The following ZFHX3 variants were observed in gnomAD, a reference collection of about 807,000 sequenced individuals.
The protein encoded by ZFHX3 is zinc finger homeobox protein 3.
In ZFHX3, 42 loss-of-function variants were observed where a neutral mutation model predicts 279.1. That is an observed-to-expected ratio of 0.15 (90% confidence interval 0.12 to 0.19). The LOEUF is 0.19. ZFHX3 is among the 10% of genes least tolerant of loss of function. ZFHX3 has a pLI of 1.00. For synonymous variants in ZFHX3, 2,293 were observed against 1,957.8 expected, an observed-to-expected ratio of 1.17 and a Z score of -4.52; for missense variants, 4,981 against 4,754.0, an observed-to-expected ratio of 1.05 and a Z score of -1.40.
chr16:72,953,607 T>G (rs1961103669), intron 2 of ZFHX3, among the ~76,000 whole-genome samples: 2 of 152,154 alleles, frequency 1.3e-5, no homozygotes, highest in Non-Finnish European at 2.9e-5. Context: ...AAGCTCTTTT[T>G]TTTTCAAGAG....
intron 3 of ZFHX3, among the ~76,000 whole-genome samples, chr16:73,343,529 A>G (rs1307891309): frequency 6.6e-6 from 1 of 152,176 alleles, no homozygotes; most frequent in Non-Finnish European, 1.5e-5. Flanking sequence ...GTTTGAGACC[A>G]GTCTGGGCAA....
chr16:73,207,848 A>T (rs2011866182), intron 5 of ZFHX3, among the ~76,000 whole-genome samples: 1 of 152,190 alleles, frequency 6.6e-6, no homozygotes, highest in South Asian at 2.1e-4. Context: ...AGCCACTCTA[A>T]CATGGCAGGT....
chr16:73,853,991 A>T (rs1334844692), intron 1 of ZFHX3, among the ~76,000 whole-genome samples: 1 of 152,212 alleles, frequency 6.6e-6, no homozygotes, highest in Non-Finnish European at 1.5e-5. Context: ...TCTGTCTTTG[A>T]TACTGAAGGT....
At chr16:73,546,564 A>G (rs1282103850) in intron 2 of ZFHX3, among the ~76,000 whole-genome samples, 1 of 152,054 alleles carries the variant, frequency 6.6e-6, no homozygotes, top group Non-Finnish European at 1.5e-5. Flanking sequence ...TGAAAGCGGC[A>G]TGCGTGTCTG....
At chr16:73,554,329 T>C (rs1327907364) in intron 2 of ZFHX3, 3 of 152,228 alleles carry the variant, frequency 2.0e-5, no homozygotes, top group Admixed American at 2.0e-4. Flanking sequence ...TTTGCAGCCA[T>C]TTCTTTACTC....
intron 5 of ZFHX3, among the ~76,000 whole-genome samples, chr16:73,170,702 G>C (rs181294424): frequency 1.3e-5 from 2 of 152,314 alleles, no homozygotes; most frequent in Admixed American, 6.5e-5. Context: ...AGAGAGTCTG[G>C]GAGGTGGGAA....
At chr16:73,124,188 G>C (rs529295136) in intron 7 of ZFHX3, among the ~76,000 whole-genome samples, 1 of 152,246 alleles carries the variant, frequency 6.6e-6, no homozygotes, top group South Asian at 2.1e-4. Flanking sequence ...CATAAACTGG[G>C]TAGCTTTTAA....
chr16:73,322,516 T>C (rs2015595820), intron 3 of ZFHX3, among the ~76,000 whole-genome samples: 1 of 152,288 alleles, frequency 6.6e-6, no homozygotes, highest in South Asian at 2.1e-4. Flanking sequence ...AATGCAGGAA[T>C]AGCAAACATA....
At chr16:72,816,301 A>C (rs964763905) in intron 5 of ZFHX3, among the ~76,000 whole-genome samples, 4 of 152,232 alleles carry the variant, frequency 2.6e-5, no homozygotes, top group Admixed American at 6.5e-5. Flanking sequence ...GCAGTTATAA[A>C]ATATGAAAAT....
chr16:73,013,065 G>A (rs1262833603), intron 1 of ZFHX3, among the ~76,000 whole-genome samples: 1 of 152,124 alleles, frequency 6.6e-6, no homozygotes, highest in East Asian at 1.9e-4. Context: ...GGGCGCTCAG[G>A]AGGTACAGAC....
intron 3 of ZFHX3, among the ~76,000 whole-genome samples, chr16:73,391,682 C>T (rs978762406): frequency 1.3e-5 from 2 of 152,094 alleles, no homozygotes; most frequent in African/African-American, 4.8e-5. Flanking sequence ...AAGGAACCTA[C>T]AGGATGATGG....
At chr16:72,845,075 C>T (rs1425797233) in intron 4 of ZFHX3, among the ~76,000 whole-genome samples, 22 of 152,140 alleles carry the variant, frequency 1.4e-4, no homozygotes, top group Admixed American at 1.2e-3. Context: ...CCTGCTCCTC[C>T]GTGTGGCGGA....
chr16:73,464,801 T>G (rs1379129147), intron 2 of ZFHX3, among the ~76,000 whole-genome samples: 1 of 152,238 alleles, frequency 6.6e-6, no homozygotes, highest in Non-Finnish European at 1.5e-5. Flanking sequence ...AGACCCGCCT[T>G]TGGGTCCTTC....
chr16:73,138,331 T>C (rs1038810031), intron 6 of ZFHX3, among the ~76,000 whole-genome samples: 2 of 152,082 alleles, frequency 1.3e-5, no homozygotes, highest in Admixed American at 1.3e-4. Flanking sequence ...GTTTGGGCCC[T>C]GTATAGAGAA....
At chr16:73,210,998 G>T (rs544191856) in intron 5 of ZFHX3, among the ~76,000 whole-genome samples, 1 of 152,248 alleles carries the variant, frequency 6.6e-6, no homozygotes, top group Non-Finnish European at 1.5e-5. Context: ...GTACAGATAA[G>T]CAGGAAGATA....
intron 1 of ZFHX3, among the ~76,000 whole-genome samples, chr16:72,975,965 T>C (rs1199104564): frequency 6.6e-6 from 1 of 152,202 alleles, no homozygotes; most frequent in African/African-American, 2.4e-5. Context: ...TGTGGTTACA[T>C]ATTTTTCCTT....
chr16:73,697,319 T>G (rs561866895), intron 1 of ZFHX3, among the ~76,000 whole-genome samples: 25 of 152,206 alleles, frequency 1.6e-4, no homozygotes, highest in Middle Eastern at 6.8e-3. Flanking sequence ...TGGACAAAGT[T>G]TTTGAAAATA....
chr16:73,437,268 A>T (rs1201584076), intron 3 of ZFHX3, among the ~76,000 whole-genome samples: 1 of 152,228 alleles, frequency 6.6e-6, no homozygotes, highest in Non-Finnish European at 1.5e-5. Flanking sequence ...GTTCAAGGTC[A>T]CACAATTAAC....
intron 3 of ZFHX3, chr16:73,387,364 A>C (rs1339941219): frequency 6.6e-6 from 1 of 152,152 alleles, no homozygotes; most frequent in Non-Finnish European, 1.5e-5. Flanking sequence ...AAAAAATAAC[A>C]AATAATGTTC....
Sources: gnomAD v4.1 joint callset for allele counts (sites outside exome capture counted in the v4.1 genomes callset) on GRCh38, gnomAD v4.1.1 for gene constraint, MANE v1.5 for transcripts, NCBI Gene and HGNC (gene_info 2026-07-23, HGNC 2026-07-21) for gene names.